Variants in TSHZ2 observed in about 807,000 individuals in gnomAD.
TSHZ2 encodes the protein teashirt zinc finger homeobox 2, also known as teashirt homolog 2.
In TSHZ2, 21 loss-of-function variants were observed where a neutral mutation model predicts 74.4. The observed-to-expected ratio is 0.28, with a 90% CI of 0.20 to 0.41. The LOEUF (loss-of-function observed/expected upper bound fraction) is 0.41. Ranked by LOEUF, TSHZ2 falls within the 10% of genes least tolerant of loss-of-function variation. TSHZ2 has a pLI of 1.00. For synonymous variants in TSHZ2, 540 were observed against 515.3 expected, an observed-to-expected ratio of 1.05 and a Z score of -0.65; for missense variants, 1,244 against 1,293.5, an observed-to-expected ratio of 0.96 and a Z score of 0.59.
At chr20:53,450,891 C>T (rs1430324386) in intron 2 of TSHZ2, among the ~76,000 whole-genome samples, 1 of 132,154 alleles carries the variant, frequency 7.6e-6, no homozygotes, top group Non-Finnish European at 1.5e-5. Flanking sequence ...CAAGTAGTGG[C>T]TTTAAGGATT....
chr20:53,346,017 A>T lies in TSHZ2; in HGVS notation c.*8+89446A>T, dbSNP rs61671668. ...GAGCCAGCAAACAGTTAATGGTTGA[A>T]TCCTTTGCAGAAAAAGTCAAGGCAG... is the stretch of plus-strand genomic sequence containing the variant. On this transcript the variant is annotated intron_variant, in intron 2 of 2. Transcript: ENST00000371497. 5.3e-3 allele frequency among the ~76,000 whole-genome samples: 807 copies of T among 152,280 alleles called. 7 individuals are homozygous for T. Among genetic ancestry groups the T allele is most frequent in the African/African-American group, 0.018 (768 of 41,538 alleles).
chr20:53,188,206 C>A (rs2072512789), intron 1 of TSHZ2, among the ~76,000 whole-genome samples: 1 of 152,146 alleles, frequency 6.6e-6, no homozygotes, highest in Non-Finnish European at 1.5e-5. Context: ...TTTCTCTCTG[C>A]CTTCTTTAAG....
intron 2 of TSHZ2, among the ~76,000 whole-genome samples, chr20:53,326,359 T>C (rs1979492567): frequency 6.6e-6 from 1 of 152,232 alleles, no homozygotes; most frequent in South Asian, 2.1e-4. Context: ...TCTATCCTGG[T>C]TGAGTTGCAC....
At chr20:52,977,412 A>G (rs1463177831) in intron 1 of TSHZ2, among the ~76,000 whole-genome samples, 1 of 138,980 alleles carries the variant, frequency 7.2e-6, no homozygotes, top group East Asian at 2.0e-4. Context: ...TAACAAATGA[A>G]TGGAAAAATA....
At position 53,023,619 on chromosome 20, in the gene TSHZ2, GT is replaced by G. The variant is rs59361462; in HGVS notation, c.40+50297del. Among the ~76,000 whole-genome samples the G allele has an allele frequency of 4.1e-3, 339 of 82,440 alleles. 1 individual carries two copies. Among genetic ancestry groups the G allele is most frequent in the African/African-American group, 0.012 (306 of 26,304 alleles). 54.1% of individuals were successfully genotyped at this position (82,440 alleles called of 152,430 possible). Reference sequence around the variant, plus strand: ...AGTATTGTGCTTTAACTCGTTTTTTGTTTTTTTTTTTGCTTTTTGTTTTTTA... The same window carrying G: ...AGTATTGTGCTTTAACTCGTTTTTTGTTTTTTTTTTGCTTTTTGTTTTTTA... On this transcript the variant is annotated intron_variant, in intron 1 of 2. Coordinates refer to ENST00000371497, the MANE Select transcript of TSHZ2 (RefSeq NM_173485.6).
chr20:53,152,734 A>G (rs1987704247), intron 1 of TSHZ2, among the ~76,000 whole-genome samples: 1 of 152,220 alleles, frequency 6.6e-6, no homozygotes, highest in Non-Finnish European at 1.5e-5. Context: ...ATATGAAATT[A>G]TGTCTGACAC....
At chr20:53,369,053 G>T (rs142203091) in intron 2 of TSHZ2, among the ~76,000 whole-genome samples, 311 of 152,282 alleles carry the variant, frequency 2.0e-3, no homozygotes, top group South Asian at 5.0e-3. Context: ...CTTGAGTTCA[G>T]GAGTTCAAGA....
chr20:53,019,110 T>A (rs1190094253), intron 1 of TSHZ2, among the ~76,000 whole-genome samples: 1 of 152,218 alleles, frequency 6.6e-6, no homozygotes, highest in Admixed American at 6.5e-5. Flanking sequence ...CAAAATGTGC[T>A]GTACTCTTTT....
chr20:53,336,921 T>C (rs1979972261), intron 2 of TSHZ2, among the ~76,000 whole-genome samples: 1 of 152,182 alleles, frequency 6.6e-6, no homozygotes, highest in South Asian at 2.1e-4. Context: ...ATTTATATAA[T>C]GTATTATATA....
At chr20:52,989,773 A>G (rs1430508396) in intron 1 of TSHZ2, among the ~76,000 whole-genome samples, 1 of 152,066 alleles carries the variant, frequency 6.6e-6, no homozygotes, top group African/African-American at 2.4e-5. Flanking sequence ...ACATGCATGT[A>G]TATGTTGTTA....
At chr20:53,234,778 A>G (rs1989902688) in intron 1 of TSHZ2, among the ~76,000 whole-genome samples, 1 of 152,204 alleles carries the variant, frequency 6.6e-6, no homozygotes, top group Non-Finnish European at 1.5e-5. Flanking sequence ...GGGAAATAGA[A>G]GAAAGCGTTG....
At chr20:53,279,293 G>A (rs1006221120) in intron 2 of TSHZ2, among the ~76,000 whole-genome samples, 1 of 152,178 alleles carries the variant, frequency 6.6e-6, no homozygotes, top group Non-Finnish European at 1.5e-5. Flanking sequence ...TAGCATAAAA[G>A]CAATGATAGA....
intron 1 of TSHZ2, among the ~76,000 whole-genome samples, chr20:52,981,326 G>A (rs887580729): frequency 2.0e-5 from 3 of 152,186 alleles, no homozygotes; most frequent in Admixed American, 6.5e-5. Flanking sequence ...CAAGTCTCTA[G>A]GTCTAATTCT....
intron 2 of TSHZ2, among the ~76,000 whole-genome samples, chr20:53,389,023 G>A (rs771023025): frequency 1.3e-5 from 2 of 152,202 alleles, no homozygotes; most frequent in African/African-American, 2.4e-5. Flanking sequence ...TTGATATTAA[G>A]ATTACAGAGG....
intron 2 of TSHZ2, among the ~76,000 whole-genome samples, chr20:53,480,506 G>A (rs1045009977): frequency 1.3e-5 from 2 of 151,746 alleles, no homozygotes; most frequent in African/African-American, 4.8e-5. Context: ...GATCAAGGCT[G>A]CAGTGAACTA....
Position 53,023,325 on chromosome 20 carries a change from G to A in TSHZ2, c.40+49992G>A, listed in dbSNP as rs191140918. 7.8e-4 allele frequency among the ~76,000 whole-genome samples: 119 copies of A among 152,274 alleles called. 2 individuals carry two copies. The South Asian group carries it at 8.5e-3, about 11-fold the overall frequency. ...TAATCTATAGAGCCTTTAACTCAATGGGAAATGACAGAAATTGCAGCGGGA... is the reference window on the plus strand; with the variant it reads ...TAATCTATAGAGCCTTTAACTCAATAGGAAATGACAGAAATTGCAGCGGGA... On this transcript the variant is annotated intron_variant, in intron 1 of 2. Coordinates refer to ENST00000371497, the MANE Select transcript of TSHZ2 (RefSeq NM_173485.6).
chr20:53,271,758 T>A (rs1260453817), intron 2 of TSHZ2, among the ~76,000 whole-genome samples: 4 of 152,154 alleles, frequency 2.6e-5, no homozygotes, highest in African/African-American at 9.7e-5. Flanking sequence ...AGAGAGGGTG[T>A]GGTTCATTCC....
Position 53,417,584 on chromosome 20 carries a change from A to G in TSHZ2, c.*9-69560A>G, listed in dbSNP as rs143825593. On this transcript the variant is annotated intron_variant, in intron 2 of 2. Coordinates refer to ENST00000371497, the MANE Select transcript of TSHZ2 (RefSeq NM_173485.6). The stretch of plus-strand genomic sequence containing the variant: ...TGTGCTGGGATTACAGGCATGAACC[A>G]CTGCACCCGGCTGTTCACCAGCATC... Among the ~76,000 whole-genome samples, 60 of 152,284 alleles carry G rather than the reference A, an allele frequency of 3.9e-4. 1 individual carries two copies. The highest frequency in any genetic ancestry group is 1.2e-3 in the African/African-American group (49 of 41,556).
At chr20:53,075,220 A>G (rs1422284901) in intron 1 of TSHZ2, among the ~76,000 whole-genome samples, 1 of 152,240 alleles carries the variant, frequency 6.6e-6, no homozygotes, top group Non-Finnish European at 1.5e-5. Flanking sequence ...GCAAATAAAT[A>G]AAAAAGAGAC....
Sources: gnomAD v4.1 joint callset for allele counts (sites outside exome capture counted in the v4.1 genomes callset) on GRCh38, gnomAD v4.1.1 for gene constraint, MANE v1.5 for transcripts, NCBI Gene and HGNC (gene_info 2026-07-23, HGNC 2026-07-21) for gene names.